The following SKAP1 variants were observed in gnomAD, a reference collection of about 807,000 sequenced individuals.
The protein encoded by SKAP1 is src kinase associated phosphoprotein 1, also known as src kinase-associated phosphoprotein 1.
SKAP1 carries 44 observed loss-of-function variants against 58.5 expected under a neutral mutation model. The observed-to-expected ratio is 0.75, with a 90% CI of 0.59 to 0.97. SKAP1 has a LOEUF of 0.97. Ranked by LOEUF, SKAP1 falls within the 50% of genes least tolerant of loss-of-function variation. The probability of loss-of-function intolerance (pLI) is 0.00; values close to 1 mark genes in which losing one functional copy is unlikely to be tolerated. For synonymous variants in SKAP1, 127 were observed against 149.7 expected, an observed-to-expected ratio of 0.85 and a Z score of 1.11; for missense variants, 390 against 435.2, an observed-to-expected ratio of 0.90 and a Z score of 0.92.
rs942487061 is a variant in SKAP1 at position 48,133,600 on chromosome 17, G to A, written c.*224C>T. 6.6e-6 allele frequency: 1 copy of A among 152,328 alleles called. No individual in the cohort carries two copies. The highest frequency in any genetic ancestry group is 1.5e-5 in the Non-Finnish European group (1 of 68,056). The allele number at this position is 152,328 out of a possible 1,614,324, so 9.4% of individuals were successfully genotyped here. A position where few individuals can be genotyped will look rare whatever the true frequency, so the allele number is the denominator to read the frequency against. ...TGTGGACACATTTAGAGATGGGGAT[G>A]AGCTATGACTAGGCTGGTTTAGTAA... On this transcript the variant is annotated 3_prime_UTR_variant, in exon 13 of 13. Coordinates refer to ENST00000336915, the MANE Select transcript of SKAP1 (RefSeq NM_003726.4).
intron 1 of SKAP1, among the ~76,000 whole-genome samples, chr17:48,418,117 C>T (rs529739265): frequency 2.6e-5 from 4 of 151,994 alleles, no homozygotes; most frequent in Non-Finnish European, 4.4e-5. Context: ...GCAAGACTCT[C>T]GTCTCTACTA....
chr17:48,363,841 G>T, intron 2 of SKAP1, 27 bp from the exon 3 acceptor site: 1 of 1,598,046 alleles, frequency 6.3e-7, no homozygotes, highest in Non-Finnish European at 8.5e-7. Context: ...AAAAAAAAAG[G>T]GAATAAGTCA....
At chr17:48,296,138 C>A (rs918178249) in intron 4 of SKAP1, among the ~76,000 whole-genome samples, 7 of 152,064 alleles carry the variant, frequency 4.6e-5, no homozygotes, top group Admixed American at 3.3e-4. Context: ...AACTTTTGAA[C>A]CAGAGATGGA....
Position 48,184,817 on chromosome 17 carries a change from T to C in SKAP1, c.473A>G (p.Lys158Arg). The part of the protein sequence containing the change: ...SKQPKGTFLI[K>R]GYGVRMAPHL... ...GGGGGCCATCCGTACACCGTAGCCC[T>C]TAATGAGGAAGGTCCCTTTGGGCTG... is the stretch of plus-strand genomic sequence containing the variant. The change falls in exon 7 of 13, where the codon AAG becomes AGG. Residue 158 changes from lysine (K) to arginine (R), a missense_variant. Transcript: ENST00000336915. The C allele has an allele frequency of 6.2e-7, 1 of 1,613,602 alleles. No homozygotes were observed. Among genetic ancestry groups the C allele is most frequent in the Non-Finnish European group, 8.5e-7 (1 of 1,179,720 alleles).
chr17:48,279,158 C>T (rs914529304), intron 4 of SKAP1, among the ~76,000 whole-genome samples: 6 of 152,100 alleles, frequency 3.9e-5, no homozygotes, highest in African/African-American at 1.2e-4. Flanking sequence ...AGGCCTCCTT[C>T]CCACACACTT....
intron 4 of SKAP1, among the ~76,000 whole-genome samples, chr17:48,254,617 T>C (rs1242018390): frequency 6.6e-6 from 1 of 151,220 alleles, no homozygotes; most frequent in Non-Finnish European, 1.5e-5. Flanking sequence ...AGCTTTTCAA[T>C]GGTGTTCATG....
chr17:48,210,876 TG>T (rs1245380490), intron 4 of SKAP1, among the ~76,000 whole-genome samples: 1 of 152,220 alleles, frequency 6.6e-6, no homozygotes, highest in Admixed American at 6.5e-5. Context: ...CTGCTCGGTT[TG>T]TCCTCGGCTA....
At chr17:48,328,505 G>A (rs969484785) in intron 4 of SKAP1, among the ~76,000 whole-genome samples, 4 of 152,070 alleles carry the variant, frequency 2.6e-5, no homozygotes, top group Admixed American at 2.0e-4. Context: ...AGCAGTGTAA[G>A]TTTCTGTCCT....
intron 4 of SKAP1, among the ~76,000 whole-genome samples, chr17:48,270,218 AT>A (rs748888640): frequency 6.6e-6 from 1 of 152,214 alleles, no homozygotes; most frequent in Non-Finnish European, 1.5e-5. Context: ...GTCATCAAAA[AT>A]ATCTCAGTAT....
chr17:48,390,887 C>A (rs1287625020), intron 2 of SKAP1, among the ~76,000 whole-genome samples: 1 of 152,034 alleles, frequency 6.6e-6, no homozygotes, highest in Non-Finnish European at 1.5e-5. Flanking sequence ...TCAGCCTGGC[C>A]AACATGGTGA....
intron 4 of SKAP1, among the ~76,000 whole-genome samples, chr17:48,225,377 G>A (rs1304537091): frequency 6.6e-6 from 1 of 152,016 alleles, no homozygotes; most frequent in Non-Finnish European, 1.5e-5. Context: ...AGTAGATTTG[G>A]GTATATAGGC....
At chr17:48,211,258 A>G (rs2064869213) in intron 4 of SKAP1, among the ~76,000 whole-genome samples, 2 of 152,224 alleles carry the variant, frequency 1.3e-5, no homozygotes, top group Non-Finnish European at 2.9e-5. Context: ...GCTGGGCAGC[A>G]CAGTGAGACC....
chr17:48,142,467 A>AAAAAC (rs768992830), intron 11 of SKAP1, among the ~76,000 whole-genome samples: 56 of 152,324 alleles, frequency 3.7e-4, no homozygotes, highest in Non-Finnish European at 3.7e-4. Flanking sequence ...CATCTCAAAT[A>AAAAAC]AAAACAAAAC....
At chr17:48,429,364 C>T (rs765545812) in intron 1 of SKAP1, among the ~76,000 whole-genome samples, 2 of 152,124 alleles carry the variant, frequency 1.3e-5, no homozygotes, top group African/African-American at 4.8e-5. Flanking sequence ...TGAGTGTTGA[C>T]GGGGATGGCC....
intron 4 of SKAP1, among the ~76,000 whole-genome samples, chr17:48,194,135 G>A (rs142578768): frequency 5.9e-5 from 9 of 152,072 alleles, no homozygotes; most frequent in African/African-American, 1.9e-4. Flanking sequence ...AGAACAGCCC[G>A]TATAAAGAAA....
At chr17:48,296,934 T>G (rs1321328107) in intron 4 of SKAP1, among the ~76,000 whole-genome samples, 1 of 152,156 alleles carries the variant, frequency 6.6e-6, no homozygotes, top group African/African-American at 2.4e-5. Context: ...GTAACCTCTC[T>G]TAGACTGTCC....
intron 4 of SKAP1, among the ~76,000 whole-genome samples, chr17:48,201,021 CACAA>C (rs1215659550): frequency 6.6e-6 from 1 of 152,064 alleles, no homozygotes; most frequent in African/African-American, 2.4e-5. Flanking sequence ...TCGCTTAAGT[CACAA>C]ACAGTCATTT....
intron 4 of SKAP1, among the ~76,000 whole-genome samples, chr17:48,245,616 T>C (rs2065287573): frequency 6.6e-6 from 1 of 152,244 alleles, no homozygotes; most frequent in African/African-American, 2.4e-5. Flanking sequence ...TCTGACACTT[T>C]ACTAGCTGTG....
intron 10 of SKAP1, among the ~76,000 whole-genome samples, chr17:48,163,423 ATCT>A (rs2143295213): frequency 6.6e-6 from 1 of 152,334 alleles, no homozygotes; most frequent in South Asian, 2.1e-4. Context: ...ATTTGTATTG[ATCT>A]TCTACCCGGA....
Sources: gnomAD v4.1 joint callset for allele counts (sites outside exome capture counted in the v4.1 genomes callset) on GRCh38, gnomAD v4.1.1 for gene constraint, MANE v1.5 for transcripts, NCBI Gene and HGNC (gene_info 2026-07-23, HGNC 2026-07-21) for gene names.